TRIM77: variants seen among roughly 807,000 people sequenced by gnomAD.
TRIM77 encodes tripartite motif containing 77.
TRIM77 carries 23 observed loss-of-function variants against 31.8 expected under a neutral mutation model. The ratio of observed to expected loss-of-function variants is 0.72; its 90% CI spans 0.52 to 1.02. TRIM77 has a LOEUF of 1.02. Ranked by LOEUF, TRIM77 falls within the 50% of genes least tolerant of loss-of-function variation. TRIM77 has a pLI of 0.00. For missense variants in TRIM77, 446 were observed against 539.2 expected (o/e 0.83, Z 1.71); for synonymous variants, 159 against 183.1 (o/e 0.87, Z 1.06).
At chr11:89,712,951 G>C (rs1284265029) in intron 2 of TRIM77, among the ~76,000 whole-genome samples, 1 of 152,008 alleles carries the variant, frequency 6.6e-6, no homozygotes, top group Non-Finnish European at 1.5e-5. Context: ...GTATTTAAAG[G>C]TGGTATGGAA....
At chr11:89,711,091 C>T (rs1949118714) in intron 1 of TRIM77, among the ~76,000 whole-genome samples, 1 of 152,108 alleles carries the variant, frequency 6.6e-6, no homozygotes, top group African/African-American at 2.4e-5. Context: ...GGTCAGTATG[C>T]TCCAATAGTA....
At chr11:89,712,609 A>C (rs1949129890) in intron 2 of TRIM77, among the ~76,000 whole-genome samples, 1 of 152,294 alleles carries the variant, frequency 6.6e-6, no homozygotes, top group African/African-American at 2.4e-5. Flanking sequence ...GTAAGAATGT[A>C]TTTTTCTGTG....
chr11:89,711,519 T>C lies in TRIM77; in HGVS notation c.507+14T>C. ...GGAACATGGGAAGTAAGCAGTAAGC[T>C]CATTTCTCTCAGAACCAGTTTGGAA... On this transcript the variant is annotated intron_variant, in intron 2 of 5. Coordinates refer to ENST00000398290, the MANE Select transcript of TRIM77 (RefSeq NM_001146162.1). 11 of 1,405,614 alleles carry C rather than the reference T, an allele frequency of 7.8e-6. No individual in the cohort carries two copies. Among genetic ancestry groups the C allele is most frequent in the South Asian group, 1.4e-5 (1 of 73,850 alleles). The allele number at this position is 1,405,614 out of a possible 1,614,324, so 87.1% of individuals were successfully genotyped here.
At chr11:89,712,602 A>G (rs1173953329) in intron 2 of TRIM77, among the ~76,000 whole-genome samples, 1 of 152,240 alleles carries the variant, frequency 6.6e-6, no homozygotes, top group Admixed American at 6.5e-5. Flanking sequence ...TGGCTTTGTA[A>G]GAATGTATTT....
Position 89,714,398 on chromosome 11 carries a change from T to C in TRIM77, c.714T>C (p.Cys238=). Residue 238 remains cysteine, a synonymous_variant, in exon 3 of 6, where the codon TGT becomes TGC. Transcript: ENST00000398290. ...ATGAGAAACTGAAGGAAATGAGCTG[T>C]AAAGCAGATGTGAACCTGCCTCAGG... ...EMYEKLKEMS[C]KADVNLPQDL... The C allele has an allele frequency of 6.4e-7, 1 of 1,551,418 alleles. No individual in the cohort carries two copies. Among genetic ancestry groups the C allele is most frequent in the Non-Finnish European group, 8.7e-7 (1 of 1,146,832 alleles).
In TRIM77 at chr11:89,710,340, C is replaced by T; in HGVS notation, c.42C>T (p.Thr14=). ...AITQCSTSEL[T]CSICTDYLTD... ...CGCAGTGTTCTACCAGTGAGCTCAC[C>T]TGCTCGATCTGCACAGACTATTTGA... Residue 14 remains threonine, a synonymous_variant, in exon 1 of 6, where the codon ACC becomes ACT. Transcript: ENST00000398290. 1 of 1,544,468 alleles carries T rather than the reference C, an allele frequency of 6.5e-7. No homozygotes were observed. The highest frequency in any genetic ancestry group is 1.2e-5 in the South Asian group (1 of 83,910).
chr11:89,715,820 G>T lies in TRIM77; in HGVS notation c.762-70G>T, dbSNP rs1949156914. 1.2e-4 allele frequency: 118 copies of T among 974,276 alleles called. 1 individual carries two copies. In the South Asian group the frequency reaches 1.9e-3, roughly 16 times the overall value. 60.4% of individuals were successfully genotyped at this position (974,276 alleles called of 1,614,324 possible). On this transcript the variant is annotated intron_variant, in intron 4 of 5. Transcript: ENST00000398290. The stretch of plus-strand genomic sequence containing the variant: ...ACCTAATTGTGAGGATTCTGATCAA[G>T]CATCTTATTAGTGGATTGCTAATGA...
intron 1 of TRIM77, 38 bp from the exon 2 acceptor site, chr11:89,711,372 T>C (rs1386193304): frequency 9.2e-7 from 1 of 1,088,016 alleles, no homozygotes; most frequent in East Asian, 2.7e-5. Context: ...TACTATATTT[T>C]CTTTTCTAGT....
rs568985757 is a variant in TRIM77, at chr11:89,710,783, CTTATCA to C, written c.411+79_411+84del. The C allele has an allele frequency of 4.6e-3, 5,442 of 1,190,500 alleles. 25 individuals carry two copies. The highest frequency in any genetic ancestry group is 5.6e-3 in the Non-Finnish European group (4,882 of 866,626). 73.7% of individuals were successfully genotyped at this position (1,190,500 alleles called of 1,614,324 possible). Reference sequence around the variant, plus strand: ...CCTACAGGTAATACGGAAAGATATACTTATCATTATTGTTATTAATAATTTTATGCA... The same window carrying C: ...CCTACAGGTAATACGGAAAGATATACTTATTGTTATTAATAATTTTATGCA... On this transcript the variant is annotated intron_variant, in intron 1 of 5. Coordinates refer to ENST00000398290, the MANE Select transcript of TRIM77 (RefSeq NM_001146162.1).
At position 89,714,249 on chromosome 11, in the gene TRIM77, T is replaced by C; in HGVS notation, c.565T>C (p.Tyr189His). The change falls in exon 3 of 6, where the codon TAC (tyrosine) becomes CAC (histidine). Residue 189 changes from tyrosine (Y) to histidine (H), a missense_variant. By Grantham distance (83) the Tyr-to-His change is moderately conservative (BLOSUM62 2). Around this residue, in one of 3 missense-constraint regions of TRIM77, gnomAD observed 366 missense variants for 447.9 expected, o/e 0.82. Transcript: ENST00000398290. ...TGCTGAATATCCTAAGGTGTGTCAA[T>C]ACCTCCGTGAAGAAGAGCAAAAGCA... The part of the protein sequence containing the change: ...ISAEYPKVCQ[Y>H]LREEEQKHVE... 1 of 1,551,700 alleles carries C rather than the reference T, an allele frequency of 6.4e-7. No individual in the cohort carries two copies. Among genetic ancestry groups the C allele is most frequent in the Non-Finnish European group, 8.7e-7 (1 of 1,146,998 alleles).
chr11:89,714,433 AAGG>A lies in TRIM77; in HGVS notation c.738+14_738+16del. 1 of 1,540,944 alleles carries A rather than the reference AAGG, an allele frequency of 6.5e-7. No individual in the cohort carries two copies. Among genetic ancestry groups the A allele is most frequent in the Non-Finnish European group, 8.8e-7 (1 of 1,138,558 alleles). ...GTGAACCTGCCTCAGGTAAAAACTG[AAGG>A]AGATCAGGGTGCTGAACACCACCCT... On this transcript the variant is annotated intron_variant, in intron 3 of 5. Transcript: ENST00000398290.
chr11:89,712,777 G>A (rs1005770807), intron 2 of TRIM77, among the ~76,000 whole-genome samples: 2 of 152,164 alleles, frequency 1.3e-5, no homozygotes, highest in African/African-American at 4.8e-5. Context: ...AGGGAATAGA[G>A]GTAAAGGGGT....
rs375080089 is a variant in TRIM77, at chr11:89,714,317, A to G, written c.633A>G (p.Gln211=). Reference sequence around the variant, plus strand: ...GAGAAGGCAGGATAATTTTTCAGCAACTCAAGAGAAGTCAAACTAGAATGG... The same window carrying G: ...GAGAAGGCAGGATAATTTTTCAGCAGCTCAAGAGAAGTCAAACTAGAATGG... ...LAREGRIIFQ[Q]LKRSQTRMAK... is the part of the protein sequence containing the mutation. The change falls in exon 3 of 6, where the codon CAA becomes CAG. Residue 211 remains glutamine (Q), a synonymous_variant. Transcript: ENST00000398290. The G allele has an allele frequency of 3.2e-6, 5 of 1,551,598 alleles. No homozygotes were observed. Among genetic ancestry groups the G allele is most frequent in the Non-Finnish European group, 4.4e-6 (5 of 1,146,966 alleles).
intron 5 of TRIM77, 107 bp downstream of exon 5, chr11:89,716,094 G>T: frequency 1.7e-6 from 1 of 581,732 alleles, no homozygotes; most frequent in Non-Finnish European, 2.7e-6. Context: ...ATTATTTTCA[G>T]TGAACAAGCA....
At chr11:89,710,864 A>G (rs142364803) in intron 1 of TRIM77, among the ~76,000 whole-genome samples, 155 bp downstream of exon 1, 2,417 of 152,310 alleles carry the variant, frequency 0.016, 54 homozygotes, top group African/African-American at 0.055. Context: ...TGTTCTAGAC[A>G]CTAAGATAAA....
intron 2 of TRIM77, among the ~76,000 whole-genome samples, chr11:89,713,616 G>T (rs1949139725): frequency 6.6e-6 from 1 of 151,886 alleles, no homozygotes. Flanking sequence ...GAGCCAGAAA[G>T]AGAGAGTAGG....
In TRIM77 at chr11:89,717,483, C is replaced by T; in HGVS notation, c.964C>T (p.Pro322Ser). 6.4e-7 allele frequency: 1 copy of T among 1,551,524 alleles called. No individual in the cohort carries two copies. The highest frequency in any genetic ancestry group is 1.2e-5 in the South Asian group (1 of 84,056). The stretch of plus-strand genomic sequence containing the variant: ...TGATGATACAGACATGTCCTGTAAT[C>T]CAACAAGTACACAGTATACTTCTTC... ...SLDDTDMSCN[P>S]TSTQYTSSWG... Residue 322 changes from proline (P) to serine (S), a missense_variant, in exon 6 of 6, where the codon CCA becomes TCA. By Grantham distance (74) the Pro-to-Ser change is moderately conservative (BLOSUM62 -1). Transcript: ENST00000398290.
In TRIM77 at chr11:89,710,435, C is replaced by T; in HGVS notation, c.137C>T (p.Thr46Ile). ...SPCLCLLWED[T>I]LTPNCCPVCR... ...TGTCTCTGCCTCTTGTGGGAAGATA[C>T]ACTAACTCCTAATTGCTGCCCTGTG... Residue 46 changes from threonine to isoleucine, a missense_variant, in exon 1 of 6, where the codon ACA becomes ATA. By Grantham distance (89) the Thr-to-Ile change is moderately conservative. This residue lies in a region of TRIM77 where 72 missense variants were observed against 64.7 expected (regional missense o/e 1.11). Transcript: ENST00000398290. 6.4e-7 allele frequency: 1 copy of T among 1,551,792 alleles called. No individual in the cohort carries two copies.
intron 2 of TRIM77, among the ~76,000 whole-genome samples, chr11:89,712,025 G>A (rs1283695673): frequency 2.0e-5 from 3 of 152,196 alleles, no homozygotes; most frequent in African/African-American, 7.2e-5. Context: ...AGTGGTGAGA[G>A]ATATGGCTAT....
Sources: allele counts gnomAD v4.1 joint callset (sites outside exome capture counted in the v4.1 genomes callset), GRCh38; gene constraint gnomAD v4.1.1; regional missense constraint gnomAD v4.1.1; transcripts MANE v1.5; gene names NCBI Gene and HGNC (gene_info 2026-07-23, HGNC 2026-07-21).